Variants in CYTIP observed in about 807,000 individuals in gnomAD.
CYTIP encodes cytohesin-interacting protein.
CYTIP carries 26 observed loss-of-function variants against 43.8 expected under a neutral mutation model. That is an observed-to-expected ratio of 0.59 (90% CI 0.44 to 0.82). The LOEUF (loss-of-function observed/expected upper bound fraction) is 0.82, where lower values mean the gene tolerates loss of function less well. CYTIP is among the 40% of genes least tolerant of loss of function. The pLI, the probability that CYTIP is intolerant of heterozygous loss-of-function variation, is 0.00. For missense variants in CYTIP, 426 were observed against 443.1 expected (o/e 0.96, Z 0.35); for synonymous variants, 162 against 162.9 (o/e 0.99, Z 0.04).
intron 6 of CYTIP, among the ~76,000 whole-genome samples, chr2:157,425,493 T>G (rs753166357): frequency 1.2e-4 from 18 of 152,154 alleles, no homozygotes; most frequent in Non-Finnish European, 1.8e-4. Flanking sequence ...GGGTCTTCAA[T>G]GGGCATTTTA....
At chr2:157,425,629 T>C (rs1474412986) in intron 6 of CYTIP, among the ~76,000 whole-genome samples, 4 of 152,164 alleles carry the variant, frequency 2.6e-5, no homozygotes, top group Non-Finnish European at 5.9e-5. Flanking sequence ...CTTAAAGGCA[T>C]CAAATAATGA....
rs142675380 is a variant in CYTIP, at chr2:157,415,940, C to A, written c.817G>T (p.Ala273Ser). The change falls in exon 8 of 8, where the codon GCC (alanine) becomes TCC (serine). Residue 273 changes from alanine to serine, a missense_variant. Coordinates refer to ENST00000264192, the MANE Select transcript of CYTIP (RefSeq NM_004288.5). The stretch of plus-strand genomic sequence containing the variant: ...TCTGTACTCGTCTGCCGACTGAAGG[C>A]ACCCCTGCTGGAGTCCTCAGACACA... ...TCVSEDSSRGAFSRQTSTDDE... is the reference protein window; with the variant it reads ...TCVSEDSSRGSFSRQTSTDDE... The A allele has an allele frequency of 1.2e-6, 2 of 1,614,102 alleles. No individual in the cohort carries two copies. The highest frequency in any genetic ancestry group is 2.7e-5 in the African/African-American group (2 of 74,940).
chr2:157,434,308 A>G (rs1426082332), intron 3 of CYTIP, 62 bp downstream of exon 3: 13 of 1,279,164 alleles, frequency 1.0e-5, no homozygotes, highest in African/African-American at 1.5e-5. Context: ...CTTTGCACAT[A>G]ACATGACACT....
chr2:157,419,366 TA>T (rs750724394), intron 6 of CYTIP, among the ~76,000 whole-genome samples: 2 of 152,168 alleles, frequency 1.3e-5, no homozygotes, highest in Non-Finnish European at 2.9e-5. Context: ...GGGCTAAACT[TA>T]GAACACTGCT....
chr2:157,442,262 A>G (rs937339893), intron 1 of CYTIP, among the ~76,000 whole-genome samples: 1 of 152,182 alleles, frequency 6.6e-6, no homozygotes, highest in South Asian at 2.1e-4. Flanking sequence ...ACTGAATTGT[A>G]AACAGTATAT....
chr2:157,438,489 G>A (rs1211495228), intron 1 of CYTIP, among the ~76,000 whole-genome samples: 1 of 152,152 alleles, frequency 6.6e-6, no homozygotes, highest in Admixed American at 6.5e-5. Flanking sequence ...GTTAACAATA[G>A]TATATCATGT....
chr2:157,432,885 G>T (rs1220994994), intron 3 of CYTIP, among the ~76,000 whole-genome samples: 1 of 152,144 alleles, frequency 6.6e-6, no homozygotes, highest in Non-Finnish European at 1.5e-5. Flanking sequence ...ATACCAGAGG[G>T]AATTTACAGG....
intron 5 of CYTIP, among the ~76,000 whole-genome samples, chr2:157,429,270 G>A (rs1573858234): frequency 1.3e-5 from 2 of 152,142 alleles, no homozygotes; most frequent in East Asian, 1.9e-4. Flanking sequence ...CCCATTGTGA[G>A]CACTCAGAGA....
At chr2:157,442,118 T>C (rs78795872) in intron 1 of CYTIP, among the ~76,000 whole-genome samples, 2,848 of 152,338 alleles carry the variant, frequency 0.019, 75 homozygotes, top group African/African-American at 0.065. Flanking sequence ...TCCCTTGCTC[T>C]GGAATACCCT....
intron 1 of CYTIP, 106 bp downstream of exon 1, chr2:157,443,741 T>C (rs912576935): frequency 1.5e-5 from 18 of 1,234,026 alleles, no homozygotes; most frequent in African/African-American, 8.9e-5. Flanking sequence ...CAGCCAGTAA[T>C]TCCAAAGCCT....
At position 157,429,309 on chromosome 2, in the gene CYTIP, G is replaced by A. The variant is rs570907469; in HGVS notation, c.476+1250C>T. Among the ~76,000 whole-genome samples, 229 of 152,082 alleles carry A rather than the reference G, an allele frequency of 1.5e-3. 1 individual carries two copies. Among genetic ancestry groups the A allele is most frequent in the Non-Finnish European group, 2.8e-3 (190 of 68,016 alleles). ...CTCTCTTTGCCTGAAGTGCTCTTAC[G>A]AGGAGTTCATTTGACCATCCTTCTC... On this transcript the variant is annotated intron_variant, in intron 5 of 7. Coordinates refer to ENST00000264192, the MANE Select transcript of CYTIP (RefSeq NM_004288.5).
chr2:157,443,769 GTA>G, intron 1 of CYTIP, 76 bp downstream of exon 1: 7 of 1,446,558 alleles, frequency 4.8e-6, no homozygotes, highest in Non-Finnish European at 6.6e-6. Context: ...ATCACCATTA[GTA>G]TGAAGTCAGA....
chr2:157,418,267 A>G (rs1448313410), intron 7 of CYTIP, among the ~76,000 whole-genome samples: 2 of 152,198 alleles, frequency 1.3e-5, no homozygotes, highest in Admixed American at 6.5e-5. Context: ...TAAAATCTCC[A>G]GGTGCCTGTT....
chr2:157,436,345 A>G (rs1210316409), intron 1 of CYTIP, among the ~76,000 whole-genome samples: 1 of 152,144 alleles, frequency 6.6e-6, no homozygotes, highest in Non-Finnish European at 1.5e-5. Context: ...CACAAACTTG[A>G]TATTTCCAAG....
chr2:157,419,426 C>T (rs540858410), intron 6 of CYTIP, among the ~76,000 whole-genome samples: 1 of 152,228 alleles, frequency 6.6e-6, no homozygotes, highest in African/African-American at 2.4e-5. Context: ...CCCCAGCACA[C>T]GAGAGCTGAG....
chr2:157,443,394 C>T (rs1313772142), intron 1 of CYTIP, among the ~76,000 whole-genome samples: 4 of 151,996 alleles, frequency 2.6e-5, no homozygotes. Flanking sequence ...CAACCCAGAG[C>T]TGAAGATAAT....
At chr2:157,425,358 A>C (rs1685586647) in intron 6 of CYTIP, among the ~76,000 whole-genome samples, 1 of 152,210 alleles carries the variant, frequency 6.6e-6, no homozygotes, top group African/African-American at 2.4e-5. Context: ...AACAAACAAC[A>C]GCAAACATAT....
At chr2:157,433,200 A>G (rs144467074) in intron 3 of CYTIP, among the ~76,000 whole-genome samples, 1 of 152,330 alleles carries the variant, frequency 6.6e-6, no homozygotes, top group African/African-American at 2.4e-5. Context: ...CAGTGTCTCT[A>G]CAACAGAATA....
chr2:157,444,049 A>C lies in CYTIP; in HGVS notation c.-29T>G. 1 of 1,608,878 alleles carries C rather than the reference A, an allele frequency of 6.2e-7. No individual in the cohort carries two copies. Among genetic ancestry groups the C allele is most frequent in the South Asian group, 1.1e-5 (1 of 90,952 alleles). On this transcript the variant is annotated 5_prime_UTR_variant, in exon 1 of 8. It removes an upstream start codon present in the reference 5' UTR. Transcript: ENST00000264192. ...GAATAAAGATCACTCCAGCTAGCAC[A>C]TGGTTGAGTGGCCTTGCAGGATGGG...
Sources: gnomAD v4.1 joint callset for allele counts (sites outside exome capture counted in the v4.1 genomes callset) on GRCh38, gnomAD v4.1.1 for gene constraint, MANE v1.5 for transcripts, NCBI Gene and HGNC (gene_info 2026-07-23, HGNC 2026-07-21) for gene names.